The following UBAP2 variants were observed in gnomAD, a reference collection of about 807,000 sequenced individuals.
The protein encoded by UBAP2 is ubiquitin-associated protein 2.
In UBAP2, 75 loss-of-function variants were observed where a neutral mutation model predicts 139.6. The ratio of observed to expected loss-of-function variants is 0.54; its 90% CI spans 0.45 to 0.65. The LOEUF (loss-of-function observed/expected upper bound fraction) is 0.65, where lower values mean the gene tolerates loss of function less well. Among genes scored for constraint, UBAP2 ranks in the 30% least tolerant of loss-of-function variants. The pLI, the probability that UBAP2 is intolerant of heterozygous loss-of-function variation, is 0.00. For synonymous variants in UBAP2, 526 were observed against 526.2 expected (o/e 1.00, Z 0.01); for missense variants, 1,368 against 1,369.6 (o/e 1.00, Z 0.02).
intron 6 of UBAP2, among the ~76,000 whole-genome samples, chr9:33,973,503 A>G (rs976560075): frequency 2.6e-5 from 4 of 152,258 alleles, no homozygotes; most frequent in Non-Finnish European, 4.4e-5. Flanking sequence ...AGGTTGTATT[A>G]TAAAACAGTC....
rs1286316171 is a variant in UBAP2 at position 33,944,431 on chromosome 9, C to T, written c.1479G>A (p.Val493=). ...GTTTGGGCTGTGGCTGGTGGACAGA[C>T]ACAGAGATATTTTCAATGGTCGTGC... ...LPSTTIENIS[V]SVHQPQPKHI... Residue 493 remains valine, a synonymous_variant, in exon 14 of 29, where the codon GTG becomes GTA. Coordinates refer to ENST00000379238, the MANE Select transcript of UBAP2 (RefSeq NM_001370062.2). 1 of 1,614,118 alleles carries T rather than the reference C, an allele frequency of 6.2e-7. No individual in the cohort carries two copies. Among genetic ancestry groups the T allele is most frequent in the Non-Finnish European group, 8.5e-7 (1 of 1,180,014 alleles).
At chr9:33,993,887 C>T (rs1333400850) in intron 4 of UBAP2, among the ~76,000 whole-genome samples, 1 of 131,374 alleles carries the variant, frequency 7.6e-6, no homozygotes, top group Non-Finnish European at 1.6e-5. Context: ...AAAAGTTCAG[C>T]TTTGCTTTCT....
In UBAP2 at chr9:33,948,439, G is replaced by A. The variant is rs764841823; in HGVS notation, c.1205C>T (p.Pro402Leu). ...PSTQQNSTSH[P>L]TTTTSWDLKP... Reference sequence around the variant, plus strand: ...GAGGTCCCAAGAAGTAGTAGTTGTAGGGTGACTTGTACTATTCTGCTGTGT... The same window carrying A: ...GAGGTCCCAAGAAGTAGTAGTTGTAAGGTGACTTGTACTATTCTGCTGTGT... The change falls in exon 13 of 29, where the codon CCT (proline) becomes CTT (leucine). Residue 402 changes from proline to leucine, a missense_variant. Physicochemically the swap from Pro to Leu is moderately conservative, Grantham distance 98 (BLOSUM62 -3). Transcript: ENST00000379238. The A allele has an allele frequency of 3.7e-6, 6 of 1,613,922 alleles. No individual in the cohort carries two copies. The highest frequency in any genetic ancestry group is 1.7e-5 in the Admixed American group (1 of 59,988).
At chr9:34,048,609 G>A (rs540844511) in intron 1 of UBAP2, among the ~76,000 whole-genome samples, 2 of 152,258 alleles carry the variant, frequency 1.3e-5, no homozygotes, top group Non-Finnish European at 1.5e-5. Context: ...AAGAAGCACA[G>A]GGCAACGTGA....
chr9:33,998,963 T>C, intron 2 of UBAP2, 99 bp from the exon 3 acceptor site: 3 of 873,904 alleles, frequency 3.4e-6, no homozygotes, highest in Non-Finnish European at 5.5e-6. Context: ...GCACTAGAAA[T>C]ACTAAGTAAC....
chr9:33,984,595 T>C (rs1296233033), intron 6 of UBAP2, among the ~76,000 whole-genome samples: 1 of 151,986 alleles, frequency 6.6e-6, no homozygotes, highest in East Asian at 1.9e-4. Context: ...GAAGTATCAC[T>C]TGAGCCCAGG....
chr9:33,936,223 T>G lies in UBAP2; in HGVS notation c.1930-345A>C, dbSNP rs572906795. 2.6e-5 allele frequency among the ~76,000 whole-genome samples: 4 copies of G among 152,008 alleles called. No homozygotes were observed. The East Asian group carries it at 7.7e-4, about 29-fold the overall frequency. On this transcript the variant is annotated intron_variant, in intron 16 of 28. Coordinates refer to ENST00000379238, the MANE Select transcript of UBAP2 (RefSeq NM_001370062.2). ...GTCTCCAACTCCTGGGCTCAAGCAA[T>G]CCTCCTGCCTTGGCCTCCAAAAGCA...
At chr9:33,965,179 C>T (rs1307229767) in intron 8 of UBAP2, among the ~76,000 whole-genome samples, 2 of 152,170 alleles carry the variant, frequency 1.3e-5, no homozygotes, top group Non-Finnish European at 1.5e-5. Flanking sequence ...TGACCCTCTC[C>T]AAGTGTACAA....
At chr9:33,995,710 G>A (rs1365728299) in intron 4 of UBAP2, 1 of 147,324 alleles carries the variant, frequency 6.8e-6, no homozygotes, top group Non-Finnish European at 1.5e-5. Flanking sequence ...AGTGCCTGGT[G>A]TAGCTTTAGC....
intron 6 of UBAP2, among the ~76,000 whole-genome samples, chr9:33,976,507 T>C (rs1828357642): frequency 6.6e-6 from 1 of 152,126 alleles, no homozygotes; most frequent in African/African-American, 2.4e-5. Context: ...AGAAAGGCGA[T>C]TACTGGTGCT....
At chr9:33,940,949 A>G (rs1171000129) in intron 16 of UBAP2, among the ~76,000 whole-genome samples, 1 of 152,224 alleles carries the variant, frequency 6.6e-6, no homozygotes, top group Non-Finnish European at 1.5e-5. Flanking sequence ...GTGGTATAAA[A>G]CAACCTGCAG....
chr9:34,006,232 C>T (rs951038198), intron 2 of UBAP2, among the ~76,000 whole-genome samples: 15 of 110,902 alleles, frequency 1.4e-4, no homozygotes, highest in African/African-American at 4.4e-4. Context: ...AGACTCATCT[C>T]AAAAAGAAAA....
intron 19 of UBAP2, among the ~76,000 whole-genome samples, chr9:33,930,091 AG>A (rs1823836450): frequency 6.6e-6 from 1 of 152,222 alleles, no homozygotes; most frequent in Admixed American, 6.5e-5. Context: ...TATAAAAAAA[AG>A]GATGTACAAC....
At chr9:34,045,572 C>T (rs1457525291) in intron 1 of UBAP2, among the ~76,000 whole-genome samples, 1 of 151,826 alleles carries the variant, frequency 6.6e-6, no homozygotes, top group African/African-American at 2.4e-5. Flanking sequence ...CGGGGTTTCA[C>T]CATGTTGGTT....
intron 17 of UBAP2, chr9:33,935,630 A>C: frequency 1.6e-6 from 1 of 621,538 alleles, no homozygotes; most frequent in South Asian, 1.9e-5. Context: ...GGGCAGAAGA[A>C]TATGAGACCA....
chr9:34,024,461 G>C (rs1825236775), intron 1 of UBAP2, among the ~76,000 whole-genome samples: 1 of 152,084 alleles, frequency 6.6e-6, no homozygotes, highest in Non-Finnish European at 1.5e-5. Context: ...TGTCAGTTGT[G>C]CCTCTCCACA....
intron 2 of UBAP2, among the ~76,000 whole-genome samples, chr9:34,006,474 G>A (rs998092135): frequency 2.6e-5 from 4 of 152,086 alleles, no homozygotes; most frequent in African/African-American, 7.2e-5. Context: ...GAGCTCAGGC[G>A]TTTGAGACCA....
chr9:33,922,372 A>G lies in UBAP2; in HGVS notation c.*132T>C, dbSNP rs780886083. 2 of 847,906 alleles carry G rather than the reference A, an allele frequency of 2.4e-6. No individual in the cohort carries two copies. Among genetic ancestry groups the G allele is most frequent in the Non-Finnish European group, 3.9e-6 (2 of 513,884 alleles). 52.5% of individuals were successfully genotyped at this position (847,906 alleles called of 1,614,324 possible). On this transcript the variant is annotated 3_prime_UTR_variant, in exon 29 of 29. Coordinates refer to ENST00000379238, the MANE Select transcript of UBAP2 (RefSeq NM_001370062.2). ...ACATACAGTAGCCAGTCTGGGAGGCAGACTCCCCACAGAGGCATGGCTGAC... is the reference window on the plus strand; with the variant it reads ...ACATACAGTAGCCAGTCTGGGAGGCGGACTCCCCACAGAGGCATGGCTGAC...
intron 1 of UBAP2, among the ~76,000 whole-genome samples, chr9:34,029,295 G>A (rs1163457312): frequency 6.6e-6 from 1 of 152,058 alleles, no homozygotes; most frequent in Admixed American, 6.6e-5. Context: ...GGGAGGCTGA[G>A]GAGGGTGGAT....
Sources: gnomAD v4.1 joint callset for allele counts (sites outside exome capture counted in the v4.1 genomes callset) on GRCh38, gnomAD v4.1.1 for gene constraint, MANE v1.5 for transcripts, NCBI Gene and HGNC (gene_info 2026-07-23, HGNC 2026-07-21) for gene names.